CNTN5: variants seen among roughly 807,000 people sequenced by gnomAD.
CNTN5 encodes contactin-5.
Under a neutral mutation model 129.1 loss-of-function variants are expected in CNTN5, and 77 were observed. The ratio of observed to expected loss-of-function variants is 0.60; its 90% CI spans 0.50 to 0.72. The LOEUF (loss-of-function observed/expected upper bound fraction) is 0.72. Ranked by LOEUF, CNTN5 falls within the 30% of genes least tolerant of loss-of-function variation. CNTN5 has a pLI of 0.00. For synonymous variants in CNTN5, 509 were observed against 465.6 expected (o/e 1.09, Z -1.20); for missense variants, 1,478 against 1,328.8 (o/e 1.11, Z -1.75).
intron 3 of CNTN5, among the ~76,000 whole-genome samples, chr11:99,692,268 G>A (rs1201519392): frequency 6.6e-6 from 1 of 152,100 alleles, no homozygotes; most frequent in East Asian, 1.9e-4. Context: ...GTGTGGATTT[G>A]ATTCTGTCAT....
chr11:99,393,124 G>T (rs1941348306), intron 2 of CNTN5, among the ~76,000 whole-genome samples: 1 of 151,716 alleles, frequency 6.6e-6, no homozygotes, highest in African/African-American at 2.4e-5. Flanking sequence ...GTAACATGAG[G>T]CTAAATGTCA....
rs1233108922 is a variant in CNTN5, at chr11:100,071,815, T to G, written c.1410T>G (p.Ser470Arg). 6.2e-7 allele frequency: 1 copy of G among 1,600,288 alleles called. No homozygotes were observed. The highest frequency in any genetic ancestry group is 1.3e-5 in the African/African-American group (1 of 74,360). Residue 470 changes from serine (S) to arginine (R), a missense_variant, in exon 12 of 25, where the codon AGT (serine) becomes AGG (arginine). Physicochemically the swap from Ser to Arg is moderately radical, Grantham distance 110. Coordinates refer to ENST00000524871, the MANE Select transcript of CNTN5 (RefSeq NM_014361.4). ...AENKYGAIYA[S>R]AELKILASAP... is the part of the protein sequence containing the mutation. Reference sequence around the variant, plus strand: ...ATAAGTATGGAGCCATTTACGCTAGTGCTGAGCTGAAGATTCTAGGTATGC... The same window carrying G: ...ATAAGTATGGAGCCATTTACGCTAGGGCTGAGCTGAAGATTCTAGGTATGC...
At chr11:99,589,995 G>A (rs78185672) in intron 3 of CNTN5, among the ~76,000 whole-genome samples, 1,705 of 152,188 alleles carry the variant, frequency 0.011, 28 homozygotes, top group African/African-American at 0.037. Flanking sequence ...AATGATTTAC[G>A]GAGAGATTCA....
Position 99,956,953 on chromosome 11 carries a change from C to A in CNTN5, c.821C>A (p.Thr274Lys). ...VGSYICLVKN[T>K]VTNARVLSPP... Reference sequence around the variant, plus strand: ...AGCTATATTTGTCTGGTGAAAAACACAGTGACGAATGCTAGAGTCCTTAGT... The same window carrying A: ...AGCTATATTTGTCTGGTGAAAAACAAAGTGACGAATGCTAGAGTCCTTAGT... The change falls in exon 8 of 25, where the codon ACA becomes AAA. Residue 274 changes from threonine to lysine, a missense_variant. Thr to Lys is a moderately conservative substitution (Grantham distance 78). Coordinates refer to ENST00000524871, the MANE Select transcript of CNTN5 (RefSeq NM_014361.4). 1 of 1,613,890 alleles carries A rather than the reference C, an allele frequency of 6.2e-7. No individual in the cohort carries two copies. The highest frequency in any genetic ancestry group is 8.5e-7 in the Non-Finnish European group (1 of 1,179,834).
At chr11:100,143,776 G>A (rs535163856) in intron 13 of CNTN5, among the ~76,000 whole-genome samples, 1 of 152,178 alleles carries the variant, frequency 6.6e-6, no homozygotes, top group Non-Finnish European at 1.5e-5. Context: ...ATCTATGCAT[G>A]AGTCAGAGCT....
intron 2 of CNTN5, among the ~76,000 whole-genome samples, chr11:99,389,898 T>C (rs1263222257): frequency 6.6e-6 from 1 of 152,202 alleles, no homozygotes; most frequent in Non-Finnish European, 1.5e-5. Flanking sequence ...TTTAATCGAA[T>C]GTGAAAGTGT....
intron 2 of CNTN5, among the ~76,000 whole-genome samples, chr11:99,467,610 G>A (rs1245499904): frequency 6.6e-6 from 1 of 151,764 alleles, no homozygotes. Flanking sequence ...AATTACTCTA[G>A]CTTTGTTACA....
At chr11:100,199,286 C>G (rs1948719415) in intron 15 of CNTN5, among the ~76,000 whole-genome samples, 1 of 151,854 alleles carries the variant, frequency 6.6e-6, no homozygotes, top group Non-Finnish European at 1.5e-5. Context: ...TGTAAATGGT[C>G]CCATGGACTC....
At chr11:99,768,346 C>T (rs1944827395) in intron 3 of CNTN5, among the ~76,000 whole-genome samples, 1 of 152,014 alleles carries the variant, frequency 6.6e-6, no homozygotes, top group Admixed American at 6.6e-5. Flanking sequence ...CATGTATCTC[C>T]TAAGAAGAAC....
At chr11:99,128,884 T>G (rs1858786202) in intron 1 of CNTN5, among the ~76,000 whole-genome samples, 1 of 151,962 alleles carries the variant, frequency 6.6e-6, no homozygotes, top group Admixed American at 6.6e-5. Flanking sequence ...CCGTGACTGT[T>G]AGAAGAAAAA....
At chr11:99,338,962 T>C (rs928522627) in intron 2 of CNTN5, among the ~76,000 whole-genome samples, 59 of 112,082 alleles carry the variant, frequency 5.3e-4, no homozygotes, top group Non-Finnish European at 9.6e-4. Context: ...GATATATATG[T>C]GTGTGTTTGT....
intron 8 of CNTN5, among the ~76,000 whole-genome samples, chr11:99,998,753 A>C (rs7105539): frequency 0.19 from 28,343 of 146,456 alleles, 2,462 homozygotes; most frequent in East Asian, 0.33. Context: ...TGACTTCAAA[A>C]TATACTACAA....
intron 1 of CNTN5, among the ~76,000 whole-genome samples, chr11:99,153,960 G>T (rs1860202634): frequency 1.3e-5 from 2 of 152,056 alleles, no homozygotes; most frequent in Non-Finnish European, 2.9e-5. Context: ...TAACTCTGGG[G>T]AGTTGGTAAT....
chr11:99,937,229 T>C (rs1950335553), intron 7 of CNTN5, among the ~76,000 whole-genome samples: 1 of 152,186 alleles, frequency 6.6e-6, no homozygotes. Flanking sequence ...AATATGCCCA[T>C]GTATGATGGG....
intron 1 of CNTN5, among the ~76,000 whole-genome samples, chr11:99,284,729 T>C (rs765090213): frequency 4.0e-5 from 6 of 151,568 alleles, no homozygotes; most frequent in Admixed American, 3.3e-4. Flanking sequence ...TAAATGCTAG[T>C]CTTCCCTAAA....
chr11:99,985,050 G>A (rs1194379471), intron 8 of CNTN5, among the ~76,000 whole-genome samples: 2 of 152,060 alleles, frequency 1.3e-5, no homozygotes, highest in Non-Finnish European at 2.9e-5. Flanking sequence ...CTCAAGAAGG[G>A]GTGTTACAAT....
chr11:100,072,990 CAAAA>C lies in CNTN5; in HGVS notation c.1430-1136_1430-1133del, dbSNP rs61042118. On this transcript the variant is annotated intron_variant, in intron 12 of 24. Coordinates refer to ENST00000524871, the MANE Select transcript of CNTN5 (RefSeq NM_014361.4). ...TTTTGTAAATTCTATTCCCAGGAGG[CAAAA>C]AAAAAAAAAAAAAAAAAGTTACTTG... Among the ~76,000 whole-genome samples the C allele has an allele frequency of 5.1e-4, 40 of 79,068 alleles. No individual in the cohort carries two copies. The East Asian group carries it at 6.0e-3, about 12-fold the overall frequency. The allele number at this position is 79,068 out of a possible 152,430, so 51.9% of individuals were successfully genotyped here.
chr11:100,161,136 A>C (rs1319499265), intron 13 of CNTN5, among the ~76,000 whole-genome samples: 1 of 151,828 alleles, frequency 6.6e-6, no homozygotes, highest in East Asian at 1.9e-4. Context: ...CATTTTTTTT[A>C]ATTGTCAAGT....
intron 1 of CNTN5, among the ~76,000 whole-genome samples, chr11:99,048,425 T>C (rs1864299374): frequency 6.6e-6 from 1 of 152,132 alleles, no homozygotes; most frequent in South Asian, 2.1e-4. Flanking sequence ...AAATGATTCA[T>C]TTTCCCCCAG....
Sources: gnomAD v4.1 joint callset for allele counts (sites outside exome capture counted in the v4.1 genomes callset) on GRCh38, gnomAD v4.1.1 for gene constraint, MANE v1.5 for transcripts, NCBI Gene and HGNC (gene_info 2026-07-23, HGNC 2026-07-21) for gene names.